BMPR1B: variants seen among roughly 807,000 people sequenced by gnomAD.
BMPR1B encodes bone morphogenetic protein receptor type-1B.
Under a neutral mutation model 59.1 loss-of-function variants are expected in BMPR1B, and 12 were observed. The ratio of observed to expected loss-of-function variants is 0.20; its 90% CI spans 0.13 to 0.33. BMPR1B has a LOEUF of 0.33. Among genes scored for constraint, BMPR1B ranks in the 10% least tolerant of loss-of-function variants. The pLI is 1.00. For missense variants in BMPR1B, 550 were observed against 610.9 expected (o/e 0.90, Z 1.05); for synonymous variants, 237 against 207.3 (o/e 1.14, Z -1.23).
chr4:95,135,155 A>C (rs906436552), intron 10 of BMPR1B, among the ~76,000 whole-genome samples: 5 of 152,154 alleles, frequency 3.3e-5, no homozygotes, highest in African/African-American at 1.2e-4. Context: ...CAGGTTTGTC[A>C]AGGGTCAGAT....
chr4:95,023,466 G>C (rs1172225162), intron 3 of BMPR1B, among the ~76,000 whole-genome samples: 2 of 152,092 alleles, frequency 1.3e-5, no homozygotes, highest in African/African-American at 2.4e-5. Flanking sequence ...ACTGCAGCCT[G>C]AAACTCCTAG....
intron 3 of BMPR1B, among the ~76,000 whole-genome samples, chr4:95,026,032 A>G (rs1476033742): frequency 2.0e-5 from 3 of 152,040 alleles, no homozygotes; most frequent in East Asian, 3.9e-4. Flanking sequence ...CTGTCTAATC[A>G]GTGTGTACAG....
At chr4:95,136,480 G>T (rs1579142046) in intron 10 of BMPR1B, among the ~76,000 whole-genome samples, 1 of 152,176 alleles carries the variant, frequency 6.6e-6, no homozygotes, top group Non-Finnish European at 1.5e-5. Flanking sequence ...GTTTCAGAAG[G>T]CATGGTACCA....
intron 2 of BMPR1B, among the ~76,000 whole-genome samples, chr4:94,912,869 G>C (rs996202848): frequency 2.0e-5 from 3 of 151,506 alleles, no homozygotes; most frequent in Non-Finnish European, 2.9e-5. Context: ...TTTAGGGAGG[G>C]TAAGTTGGAG....
At chr4:95,061,188 CACA>C (rs1175205098) in intron 3 of BMPR1B, among the ~76,000 whole-genome samples, 1 of 140,672 alleles carries the variant, frequency 7.1e-6, no homozygotes, top group Non-Finnish European at 1.6e-5. Context: ...CACACACACA[CACA>C]CACACACACA....
Position 95,084,131 on chromosome 4 carries a change from C to G in BMPR1B, c.-17-20277C>G, listed in dbSNP as rs1264990030. On this transcript the variant is annotated intron_variant, in intron 3 of 12. Transcript: ENST00000515059. ...TCCCTAAATATGTAAAAGTGGATGT[C>G]AGCTTTAAAATCTACCTGAAATTAG... Among the ~76,000 whole-genome samples the G allele has an allele frequency of 7.9e-5, 12 of 151,836 alleles. No homozygotes were observed. In the East Asian group the frequency reaches 1.4e-3, roughly 17 times the overall value.
chr4:95,094,191 G>T (rs1730204011), intron 3 of BMPR1B, among the ~76,000 whole-genome samples: 1 of 152,046 alleles, frequency 6.6e-6, no homozygotes, highest in South Asian at 2.1e-4. Flanking sequence ...TATGTAAATG[G>T]ATTTAATGAT....
At chr4:94,992,635 A>C (rs1197162765) in intron 2 of BMPR1B, among the ~76,000 whole-genome samples, 1 of 152,196 alleles carries the variant, frequency 6.6e-6, no homozygotes, top group East Asian at 1.9e-4. Context: ...CCTCTAGACC[A>C]CATGCCTCAA....
intron 3 of BMPR1B, among the ~76,000 whole-genome samples, chr4:95,052,987 A>G (rs1726619936): frequency 6.6e-6 from 1 of 152,122 alleles, no homozygotes; most frequent in African/African-American, 2.4e-5. Context: ...CTGCCTCTTC[A>G]TTGCCTGAGA....
chr4:94,823,103 T>C (rs2110657289), intron 1 of BMPR1B, among the ~76,000 whole-genome samples: 1 of 152,190 alleles, frequency 6.6e-6, no homozygotes, highest in African/African-American at 2.4e-5. Context: ...TAAGCTTTCC[T>C]GTTAACCAGA....
At chr4:95,068,246 A>T (rs1728001573) in intron 3 of BMPR1B, among the ~76,000 whole-genome samples, 1 of 152,146 alleles carries the variant, frequency 6.6e-6, no homozygotes. Flanking sequence ...TTTCTCTATC[A>T]CTTAATGGCA....
intron 3 of BMPR1B, among the ~76,000 whole-genome samples, chr4:95,075,429 A>C (rs1728630304): frequency 6.6e-6 from 1 of 152,204 alleles, no homozygotes; most frequent in Non-Finnish European, 1.5e-5. Flanking sequence ...TGTTGTATGT[A>C]GACGATATAT....
chr4:94,766,119 G>T (rs1721958462), intron 1 of BMPR1B, among the ~76,000 whole-genome samples: 2 of 152,068 alleles, frequency 1.3e-5, no homozygotes, highest in Non-Finnish European at 2.9e-5. Flanking sequence ...ATGAAATCTG[G>T]CAATTTCTGA....
chr4:94,979,751 G>A (rs73836080), intron 2 of BMPR1B, among the ~76,000 whole-genome samples: 4 of 152,288 alleles, frequency 2.6e-5, no homozygotes, highest in Non-Finnish European at 4.4e-5. Flanking sequence ...TTAAGGCGAC[G>A]AATGTGCAGC....
Position 95,156,652 on chromosome 4 carries a change from T to C in BMPR1B, c.*1979T>C, listed in dbSNP as rs370452157. 1 of 150,160 alleles carries C rather than the reference T, an allele frequency of 6.7e-6. No homozygotes were observed. Among genetic ancestry groups the C allele is most frequent in the Non-Finnish European group, 1.5e-5 (1 of 67,610 alleles). 9.3% of individuals were successfully genotyped at this position (150,160 alleles called of 1,614,324 possible). On this transcript the variant is annotated 3_prime_UTR_variant, in exon 13 of 13. Coordinates refer to ENST00000515059, the MANE Select transcript of BMPR1B (RefSeq NM_001203.3). ...CAGAAGAATTTCGTAATCCTTGAAA[T>C]TGAAAAAAAAAAAATTGTGTTTTTA...
intron 3 of BMPR1B, among the ~76,000 whole-genome samples, chr4:95,085,251 G>A (rs1326899363): frequency 6.6e-6 from 1 of 152,150 alleles, no homozygotes; most frequent in Non-Finnish European, 1.5e-5. Flanking sequence ...ACATCTGGGT[G>A]TGTGAGAAGA....
At chr4:94,818,746 C>T (rs1560499461) in intron 1 of BMPR1B, among the ~76,000 whole-genome samples, 1 of 152,154 alleles carries the variant, frequency 6.6e-6, no homozygotes, top group Non-Finnish European at 1.5e-5. Flanking sequence ...ATAGTAGCCT[C>T]ACTTGAAGAA....
chr4:94,904,417 G>A (rs1327146070), intron 2 of BMPR1B, among the ~76,000 whole-genome samples: 3 of 152,026 alleles, frequency 2.0e-5, no homozygotes, highest in Admixed American at 2.0e-4. Context: ...ATATATTAAT[G>A]TGATAGCAGA....
At chr4:95,051,068 A>G (rs1578993854) in intron 3 of BMPR1B, among the ~76,000 whole-genome samples, 1 of 152,200 alleles carries the variant, frequency 6.6e-6, no homozygotes, top group African/African-American at 2.4e-5. Context: ...AGTATTCATT[A>G]GAGATTTCTT....
Sources: allele counts gnomAD v4.1 joint callset (sites outside exome capture counted in the v4.1 genomes callset), GRCh38; gene constraint gnomAD v4.1.1; transcripts MANE v1.5; gene names NCBI Gene and HGNC (gene_info 2026-07-23, HGNC 2026-07-21).